Variants in DMBT1 observed in about 807,000 individuals in gnomAD.
DMBT1 encodes scavenger receptor cysteine-rich domain-containing protein DMBT1.
A neutral mutation model predicts 252.9 loss-of-function variants in DMBT1; 198 were observed. The observed-to-expected ratio is 0.78, with a 90% CI of 0.70 to 0.88. The LOEUF (loss-of-function observed/expected upper bound fraction) is 0.88, where lower values mean the gene tolerates loss of function less well. Ranked by LOEUF, DMBT1 falls within the 40% of genes least tolerant of loss-of-function variation. DMBT1 has a pLI of 0.00. For synonymous variants in DMBT1, 990 were observed against 942.7 expected (o/e 1.05, Z -0.92); for missense variants, 2,432 against 2,404.7 (o/e 1.01, Z -0.24).
chr10:122,590,622 G>C (rs772003579), intron 17 of DMBT1, 43 bp from the exon 18 acceptor site: 2 of 1,584,560 alleles, frequency 1.3e-6, no homozygotes, highest in Non-Finnish European at 1.7e-6. Context: ...GGTTTTGCCA[G>C]CTTCTGTATA....
intron 6 of DMBT1, among the ~76,000 whole-genome samples, chr10:122,574,497 G>A (rs2981807): frequency 0.69 from 104,448 of 151,956 alleles, 36,103 homozygotes; most frequent in East Asian, 0.77. Flanking sequence ...TCCTCAGGTC[G>A]TCTTCTTTCT....
At chr10:122,585,645 G>C (rs916662051) in intron 15 of DMBT1, among the ~76,000 whole-genome samples, 1 of 148,682 alleles carries the variant, frequency 6.7e-6, no homozygotes, top group African/African-American at 2.4e-5. Flanking sequence ...TGAAGAGTCA[G>C]TGAAAGTGAG....
chr10:122,598,120 G>A lies in DMBT1; in HGVS notation c.2956+108G>A, dbSNP rs2097901722. 3.1e-5 allele frequency: 47 copies of A among 1,514,016 alleles called. 1 individual carries two copies. The South Asian group carries it at 5.4e-4, about 17-fold the overall frequency. The allele number at this position is 1,514,016 out of a possible 1,614,324, so 93.8% of individuals were successfully genotyped here. On this transcript the variant is annotated intron_variant, in intron 25 of 55. Transcript: ENST00000338354. Reference sequence around the variant, plus strand: ...CAAGGTGGGCCCCTCTCTTTTTCATGTCCCTGTGGGTTGCATGGGAGGAAG... The same window carrying A: ...CAAGGTGGGCCCCTCTCTTTTTCATATCCCTGTGGGTTGCATGGGAGGAAG...
chr10:122,599,942 C>G, intron 26 of DMBT1, 122 bp from the exon 27 acceptor site: 2 of 1,408,692 alleles, frequency 1.4e-6, no homozygotes, highest in Non-Finnish European at 2.0e-6. Flanking sequence ...AATGCCCCTC[C>G]CTGTGTGATA....
intron 44 of DMBT1, among the ~76,000 whole-genome samples, chr10:122,622,358 CAGG>C (rs2098078690): frequency 2.6e-5 from 4 of 152,186 alleles, no homozygotes; most frequent in Admixed American, 6.5e-5. Flanking sequence ...TTGCACATGG[CAGG>C]AACTCAACTC....
chr10:122,622,864 A>G (rs528764609), intron 44 of DMBT1, among the ~76,000 whole-genome samples: 15 of 152,332 alleles, frequency 9.8e-5, no homozygotes, highest in Admixed American at 3.3e-4. Context: ...TGACAGAGAT[A>G]GCCATCCCTC....
chr10:122,618,301 A>G lies in DMBT1; in HGVS notation c.5176A>G (p.Asn1726Asp). ...SCPHNGWLSH[N>D]CGHHEDAGVI... ...CCCCCACAATGGCTGGCTCTCCCAC[A>G]ACTGTGGCCATCATGAAGATGCTGG... The change falls in exon 41 of 56, where the codon AAC becomes GAC. Residue 1726 changes from asparagine (N) to aspartate (D), a missense_variant. Asn to Asp is a conservative substitution (Grantham distance 23). Coordinates refer to ENST00000338354, the MANE Select transcript of DMBT1 (RefSeq NM_001377530.1). 3 of 1,613,844 alleles carry G rather than the reference A, an allele frequency of 1.9e-6. No homozygotes were observed. Among genetic ancestry groups the G allele is most frequent in the Middle Eastern group, 3.3e-4 (2 of 6,056 alleles).
chr10:122,573,581 G>T, intron 5 of DMBT1, 134 bp from the exon 6 acceptor site: 1 of 1,106,600 alleles, frequency 9.0e-7, no homozygotes, highest in Non-Finnish European at 1.4e-6. Flanking sequence ...TTGGCACATG[G>T]TTGGCTTTTA....
intron 55 of DMBT1, among the ~76,000 whole-genome samples, chr10:122,640,699 C>A (rs1252875275): frequency 1.3e-5 from 2 of 152,168 alleles, no homozygotes; most frequent in Non-Finnish European, 2.9e-5. Flanking sequence ...CAGTTAACAT[C>A]TGGGGAGATG....
intron 28 of DMBT1, among the ~76,000 whole-genome samples, chr10:122,601,511 CCA>C (rs1215166507): frequency 9.5e-6 from 1 of 105,036 alleles, no homozygotes; most frequent in Non-Finnish European, 1.9e-5. Flanking sequence ...CTTTGTGTAC[CCA>C]GAGTGGGGAA....
intron 3 of DMBT1, 150 bp from the exon 4 acceptor site, chr10:122,570,740 C>G: frequency 2.0e-6 from 2 of 983,674 alleles, no homozygotes; most frequent in South Asian, 1.4e-5. Context: ...TACGGTAACA[C>G]AGTGATTGGC....
intron 40 of DMBT1, 148 bp from the exon 41 acceptor site, chr10:122,617,869 A>T: frequency 7.0e-7 from 1 of 1,421,678 alleles, no homozygotes; most frequent in East Asian, 2.4e-5. Flanking sequence ...CCCTATGATA[A>T]AGCTGAACCT....
chr10:122,576,603 C>A lies in DMBT1; in HGVS notation c.488C>A (p.Pro163His). ...GCCTGGTTTGGCCAGGGCTCAGGAC[C>A]CATTGCCCTGGATGATGTGCGCTGC... The part of the protein sequence containing the change: ...GNAWFGQGSG[P>H]IALDDVRCSG... The change falls in exon 7 of 56, where the codon CCC becomes CAC. Residue 163 changes from proline (P) to histidine (H), a missense_variant. Around this residue, in one of 3 missense-constraint regions of DMBT1, gnomAD observed 1,264 missense variants for 1,082.2 expected, o/e 1.17. Coordinates refer to ENST00000338354, the MANE Select transcript of DMBT1 (RefSeq NM_001377530.1). The A allele has an allele frequency of 6.2e-7, 1 of 1,613,876 alleles. No homozygotes were observed. The highest frequency in any genetic ancestry group is 8.5e-7 in the Non-Finnish European group (1 of 1,179,804).
At chr10:122,568,353 A>G (rs2097621762) in intron 2 of DMBT1, among the ~76,000 whole-genome samples, 1 of 152,062 alleles carries the variant, frequency 6.6e-6, no homozygotes, top group Non-Finnish European at 1.5e-5. Context: ...AGAACCAGAG[A>G]GGTGGATTTG....
At chr10:122,620,127 T>C in intron 42 of DMBT1, 126 bp from the exon 43 acceptor site, 1 of 1,000,282 alleles carries the variant, frequency 1.0e-6, no homozygotes. Flanking sequence ...TGGGTAGCAC[T>C]TGGAGCAAGT....
Position 122,618,547 on chromosome 10 carries a change from A to G in DMBT1, c.5215+207A>G, listed in dbSNP as rs188159540. 2.2e-3 allele frequency among the ~76,000 whole-genome samples: 333 copies of G among 152,340 alleles called. 2 individuals carry two copies. Among genetic ancestry groups the G allele is most frequent in the Non-Finnish European group, 3.9e-3 (267 of 68,028 alleles). On this transcript the variant is annotated intron_variant, in intron 41 of 55. Coordinates refer to ENST00000338354, the MANE Select transcript of DMBT1 (RefSeq NM_001377530.1). ...CCACTTAGGCCAGGGCTCCGAACTG[A>G]AACAACAACCCAGACTTTATCCCCA... is the stretch of plus-strand genomic sequence containing the variant.
chr10:122,630,067 G>C (rs781200597), intron 47 of DMBT1, 74 bp downstream of exon 47: 251 of 1,580,788 alleles, frequency 1.6e-4, no homozygotes, highest in Non-Finnish European at 2.0e-4. Context: ...CTGTGTCCTG[G>C]GCTGGGATGC....
chr10:122,576,983 A>T (rs1306254152), intron 7 of DMBT1, among the ~76,000 whole-genome samples: 4 of 152,074 alleles, frequency 2.6e-5, no homozygotes, highest in African/African-American at 9.7e-5. Context: ...GTGGCTCTGG[A>T]GTTTAGTTGG....
chr10:122,598,258 T>C (rs2097903588), intron 25 of DMBT1, among the ~76,000 whole-genome samples: 1 of 152,094 alleles, frequency 6.6e-6, no homozygotes, highest in African/African-American at 2.4e-5. Flanking sequence ...CTCATCCAGG[T>C]GCTGAGGAAA....
Sources: allele counts gnomAD v4.1 joint callset (sites outside exome capture counted in the v4.1 genomes callset), GRCh38; gene constraint gnomAD v4.1.1; regional missense constraint gnomAD v4.1.1; transcripts MANE v1.5; gene names NCBI Gene and HGNC (gene_info 2026-07-23, HGNC 2026-07-21).